INPP4A: variants seen among roughly 807,000 people sequenced by gnomAD.
INPP4A encodes inositol polyphosphate-4-phosphatase type I A.
In INPP4A, 33 loss-of-function variants were observed where a neutral mutation model predicts 119.8. The observed-to-expected ratio is 0.28, with a 90% CI of 0.21 to 0.37. INPP4A has a LOEUF of 0.37. Ranked by LOEUF, INPP4A falls within the 10% of genes least tolerant of loss-of-function variation. The probability of loss-of-function intolerance (pLI) is 1.00; values close to 1 mark genes in which losing one functional copy is unlikely to be tolerated. For synonymous variants in INPP4A, 496 were observed against 500.7 expected (o/e 0.99, Z 0.12); for missense variants, 956 against 1,289.9 (o/e 0.74, Z 3.97).
At chr2:98,518,419 G>A (rs1168818267) in intron 1 of INPP4A, among the ~76,000 whole-genome samples, 1 of 152,248 alleles carries the variant, frequency 6.6e-6, no homozygotes, top group Non-Finnish European at 1.5e-5. Context: ...GAGAGGGATG[G>A]CTCATGAGCT....
intron 4 of INPP4A, among the ~76,000 whole-genome samples, chr2:98,525,444 T>G (rs569578849): frequency 6.6e-6 from 1 of 152,350 alleles, no homozygotes; most frequent in Non-Finnish European, 1.5e-5. Flanking sequence ...TGTAATGTAA[T>G]CTATTCATAG....
intron 1 of INPP4A, among the ~76,000 whole-genome samples, chr2:98,447,856 G>C (rs1318554810): frequency 1.3e-5 from 2 of 151,988 alleles, no homozygotes; most frequent in East Asian, 1.9e-4. Context: ...GACCATCCTG[G>C]CTAACACGGT....
At chr2:98,464,564 C>G (rs962211073) in intron 1 of INPP4A, among the ~76,000 whole-genome samples, 4 of 152,230 alleles carry the variant, frequency 2.6e-5, no homozygotes, top group Non-Finnish European at 4.4e-5. Context: ...TCTGCCATGT[C>G]TGCCCTGACA....
In INPP4A at chr2:98,593,971, G is replaced by A. The variant is rs1700505563; in HGVS notation, c.*6363G>A. 1 of 152,206 alleles carries A rather than the reference G, an allele frequency of 6.6e-6. No homozygotes were observed. Among genetic ancestry groups the A allele is most frequent in the Admixed American group, 6.5e-5 (1 of 15,274 alleles). 9.4% of individuals were successfully genotyped at this position (152,206 alleles called of 1,614,324 possible). A position where few individuals can be genotyped will look rare whatever the true frequency, so the allele number is the denominator to read the frequency against. On this transcript the variant is annotated 3_prime_UTR_variant, in exon 25 of 25. Transcript: ENST00000409851. ...TGACTATGAAGATTCTTTCATGCAT[G>A]TCCTGTCCACTGTCAGTCCCCTCTG...
rs139537413 is a variant in INPP4A at position 98,479,431 on chromosome 2, T to G, written c.-166+34346T>G. On this transcript the variant is annotated intron_variant, in intron 1 of 24. Transcript: ENST00000409851. The stretch of plus-strand genomic sequence containing the variant: ...TAATTAGAAGACAGTTAGCAATAAA[T>G]ACATAGTCAGTGGCATCTCTGCATG... Among the ~76,000 whole-genome samples the G allele has an allele frequency of 1.1e-3, 171 of 152,306 alleles. 1 individual carries two copies. The highest frequency in any genetic ancestry group is 4.0e-3 in the African/African-American group (165 of 41,568).
chr2:98,527,232 CA>C (rs765206515), intron 4 of INPP4A, among the ~76,000 whole-genome samples: 1 of 152,114 alleles, frequency 6.6e-6, no homozygotes. Flanking sequence ...GGAGATCCTA[CA>C]AAAAAGCCCC....
chr2:98,462,575 G>A (rs989444520), intron 1 of INPP4A, among the ~76,000 whole-genome samples: 3 of 151,578 alleles, frequency 2.0e-5, no homozygotes, highest in African/African-American at 7.3e-5. Context: ...AACCAGACTG[G>A]AGTGTAGTGG....
chr2:98,532,179 G>C (rs995406724), intron 4 of INPP4A, among the ~76,000 whole-genome samples: 1 of 152,088 alleles, frequency 6.6e-6, no homozygotes, highest in Non-Finnish European at 1.5e-5. Flanking sequence ...CCAAGGTATT[G>C]CTCTCCCCCA....
At chr2:98,537,770 A>T in intron 7 of INPP4A, 93 bp from the exon 8 acceptor site, 1 of 917,202 alleles carries the variant, frequency 1.1e-6, no homozygotes, top group Non-Finnish European at 1.7e-6. Flanking sequence ...TGCCCCCAGG[A>T]CCCTGATGAC....
At chr2:98,462,593 A>C (rs942773301) in intron 1 of INPP4A, among the ~76,000 whole-genome samples, 1 of 151,224 alleles carries the variant, frequency 6.6e-6, no homozygotes, top group East Asian at 2.0e-4. Context: ...TGGCAGGATC[A>C]TGGCTCACTG....
intron 1 of INPP4A, among the ~76,000 whole-genome samples, chr2:98,475,103 A>G (rs1676930578): frequency 2.0e-5 from 3 of 152,164 alleles, no homozygotes; most frequent in Admixed American, 1.3e-4. Context: ...TAAATTGGTC[A>G]TGTAGCATGA....
chr2:98,486,886 G>A (rs1478651529), intron 1 of INPP4A, among the ~76,000 whole-genome samples: 1 of 152,218 alleles, frequency 6.6e-6, no homozygotes, highest in Non-Finnish European at 1.5e-5. Context: ...GCAAATGCCA[G>A]CCCACAAATG....
chr2:98,578,742 G>A (rs982401264), intron 24 of INPP4A, among the ~76,000 whole-genome samples: 9 of 152,348 alleles, frequency 5.9e-5, no homozygotes, highest in Non-Finnish European at 5.9e-5. Flanking sequence ...CTCACATAAG[G>A]AATTGAAAAT....
chr2:98,548,979 C>T (rs1341340323), intron 13 of INPP4A: 2 of 1,611,614 alleles, frequency 1.2e-6, no homozygotes, highest in African/African-American at 1.3e-5. Context: ...GGTGAGTTTT[C>T]TGTCTGTGGA....
Position 98,555,542 on chromosome 2 carries a change from T to C in INPP4A, c.1567-11T>C. 6.3e-7 allele frequency: 1 copy of C among 1,587,006 alleles called. No individual in the cohort carries two copies. The highest frequency in any genetic ancestry group is 8.6e-7 in the Non-Finnish European group (1 of 1,162,634). The stretch of plus-strand genomic sequence containing the variant: ...GAGAGCTGACCCACATGGGCCCCTT[T>C]GATTTGGAAGGAGAAAGTGTGGCTG... On this transcript the variant is annotated splice_polypyrimidine_tract_variant and intron_variant, in intron 15 of 24. Transcript: ENST00000409851.
At chr2:98,506,312 G>A (rs891811764) in intron 1 of INPP4A, among the ~76,000 whole-genome samples, 3 of 152,230 alleles carry the variant, frequency 2.0e-5, no homozygotes, top group Non-Finnish European at 4.4e-5. Flanking sequence ...GACTAGTAAG[G>A]CCTGCCTTTA....
intron 4 of INPP4A, among the ~76,000 whole-genome samples, chr2:98,524,179 CTGAT>C (rs1687761619): frequency 6.6e-6 from 1 of 152,172 alleles, no homozygotes; most frequent in Non-Finnish European, 1.5e-5. Context: ...ATACATGTTG[CTGAT>C]TATTTCCTTA....
chr2:98,485,865 CTTAAA>C (rs1172545643), intron 1 of INPP4A, among the ~76,000 whole-genome samples: 1 of 152,184 alleles, frequency 6.6e-6, no homozygotes, highest in East Asian at 1.9e-4. Flanking sequence ...TTGCTAACCA[CTTAAA>C]TTGAGTATTT....
chr2:98,522,639 A>G (rs889906509), intron 4 of INPP4A, among the ~76,000 whole-genome samples: 2 of 152,184 alleles, frequency 1.3e-5, no homozygotes, highest in Admixed American at 6.5e-5. Context: ...CGAGAACTGA[A>G]GAATGTGTCT....
Sources: gnomAD v4.1 joint callset for allele counts (sites outside exome capture counted in the v4.1 genomes callset) on GRCh38, gnomAD v4.1.1 for gene constraint, MANE v1.5 for transcripts, NCBI Gene and HGNC (gene_info 2026-07-23, HGNC 2026-07-21) for gene names.